The following FAM3C variants were observed in gnomAD, a reference collection of about 807,000 sequenced individuals.
FAM3C encodes the protein FAM3 metabolism regulating signaling molecule C.
A neutral mutation model predicts 32.5 loss-of-function variants in FAM3C; 15 were observed. The ratio of observed to expected loss-of-function variants is 0.46; its 90% confidence interval spans 0.31 to 0.71. The LOEUF is 0.71. Ranked by LOEUF, FAM3C falls within the 30% of genes least tolerant of loss-of-function variation. FAM3C has a pLI of 0.05. For synonymous variants in FAM3C, 75 were observed against 86.1 expected (o/e 0.87, Z 0.72); for missense variants, 175 against 274.4 (o/e 0.64, Z 2.56).
chr7:121,379,862 G>T (rs549033035), intron 2 of FAM3C, among the ~76,000 whole-genome samples: 1 of 152,104 alleles, frequency 6.6e-6, no homozygotes, highest in Non-Finnish European at 1.5e-5. Context: ...TAAAAAATCC[G>T]AAAGAAACAC....
In FAM3C at chr7:121,383,025, CA is replaced by C; in HGVS notation, c.-41-16del. The C allele has an allele frequency of 7.0e-7, 1 of 1,427,660 alleles. No homozygotes were observed. The allele number at this position is 1,427,660 out of a possible 1,614,324, so 88.4% of individuals were successfully genotyped here. On this transcript the variant is annotated splice_polypyrimidine_tract_variant and intron_variant, in intron 1 of 9. Coordinates refer to ENST00000359943, the MANE Select transcript of FAM3C (RefSeq NM_014888.3). ...TTAATATGCTCCTAAAAAATCAAAACAAAAAGCAAATATCATTAGCTCTAGA... is the reference window on the plus strand; with the variant it reads ...TTAATATGCTCCTAAAAAATCAAAACAAAAGCAAATATCATTAGCTCTAGA...
chr7:121,351,055 C>T, intron 9 of FAM3C, 88 bp downstream of exon 9: 1 of 1,220,950 alleles, frequency 8.2e-7, no homozygotes. Flanking sequence ...TCCGCTTTAT[C>T]TAATTTTCAA....
intron 2 of FAM3C, among the ~76,000 whole-genome samples, chr7:121,379,288 T>C (rs980243849): frequency 6.6e-5 from 10 of 152,092 alleles, no homozygotes; most frequent in Non-Finnish European, 1.0e-4. Context: ...ACCTATTAGT[T>C]GCTGACAACA....
intron 1 of FAM3C, among the ~76,000 whole-genome samples, chr7:121,393,904 G>A (rs1234104245): frequency 1.3e-5 from 2 of 152,180 alleles, no homozygotes; most frequent in African/African-American, 2.4e-5. Flanking sequence ...GAACAGAGAC[G>A]CTTCTGGACT....
chr7:121,357,124 A>G (rs1178078427), intron 8 of FAM3C, among the ~76,000 whole-genome samples: 1 of 152,184 alleles, frequency 6.6e-6, no homozygotes, highest in Non-Finnish European at 1.5e-5. Context: ...ACTCTGGGAA[A>G]TAATGTGATG....
intron 8 of FAM3C, among the ~76,000 whole-genome samples, chr7:121,353,954 A>G (rs1793759590): frequency 6.6e-6 from 1 of 152,206 alleles, no homozygotes; most frequent in Non-Finnish European, 1.5e-5. Context: ...CGTCTAACAC[A>G]TAGCCCTGTG....
At chr7:121,379,528 T>C (rs1252634061) in intron 2 of FAM3C, among the ~76,000 whole-genome samples, 1 of 152,182 alleles carries the variant, frequency 6.6e-6, no homozygotes, top group Non-Finnish European at 1.5e-5. Context: ...TAAGCCCTCC[T>C]GGTGTGGCGA....
chr7:121,387,314 T>C (rs1037801977), intron 1 of FAM3C, among the ~76,000 whole-genome samples: 8 of 152,088 alleles, frequency 5.3e-5, no homozygotes, highest in African/African-American at 1.9e-4. Context: ...ATATAAAATT[T>C]AAAAATAAAG....
intron 2 of FAM3C, among the ~76,000 whole-genome samples, chr7:121,379,757 T>C (rs997583469): frequency 6.6e-6 from 1 of 152,162 alleles, no homozygotes; most frequent in Admixed American, 6.5e-5. Context: ...TACTGATAAC[T>C]ACATGGGGAG....
At chr7:121,363,833 A>G (rs922159832) in intron 6 of FAM3C, among the ~76,000 whole-genome samples, 2 of 152,056 alleles carry the variant, frequency 1.3e-5, no homozygotes, top group Non-Finnish European at 2.9e-5. Context: ...CTATCTTCCT[A>G]TTATGTTAGG....
At chr7:121,372,781 A>G (rs867746549) in intron 3 of FAM3C, among the ~76,000 whole-genome samples, 2 of 152,184 alleles carry the variant, frequency 1.3e-5, no homozygotes, top group African/African-American at 4.8e-5. Context: ...AGATCATCAG[A>G]GTATTGTGGA....
intron 3 of FAM3C, among the ~76,000 whole-genome samples, chr7:121,378,627 G>A (rs1794287605): frequency 6.6e-6 from 1 of 152,152 alleles, no homozygotes; most frequent in African/African-American, 2.4e-5. Context: ...GGTATTTTAT[G>A]TTTTAGAATG....
At chr7:121,396,323 C>T (rs1308965767), upstream of FAM3C, 2 of 152,186 alleles carry the variant, frequency 1.3e-5, no homozygotes, top group African/African-American at 4.8e-5. Context: ...AGGAGAAAGC[C>T]AGCTCGCCGC....
At chr7:121,359,895 G>A in intron 8 of FAM3C, 148 bp downstream of exon 8, 1 of 597,456 alleles carries the variant, frequency 1.7e-6, no homozygotes, top group Non-Finnish European at 3.0e-6. Flanking sequence ...AAACCAGGAA[G>A]GAGGCAAAGT....
chr7:121,395,314 CATACATAT>C (rs1276254052), intron 1 of FAM3C, among the ~76,000 whole-genome samples: 22 of 142,714 alleles, frequency 1.5e-4, no homozygotes, highest in African/African-American at 3.0e-4. Flanking sequence ...TGGATACATA[CATACATAT>C]ATATATATGG....
At position 121,383,008 on chromosome 7, in the gene FAM3C, C is replaced by A; in HGVS notation, c.-39G>T. On this transcript the variant is annotated splice_region_variant and 5_prime_UTR_variant, in exon 2 of 10. Coordinates refer to ENST00000359943, the MANE Select transcript of FAM3C (RefSeq NM_014888.3). ...GTTTATGGCACTTTTCATTAATATG[C>A]TCCTAAAAAATCAAAACAAAAAGCA... The A allele has an allele frequency of 6.4e-7, 1 of 1,566,534 alleles. No individual in the cohort carries two copies. The highest frequency in any genetic ancestry group is 8.7e-7 in the Non-Finnish European group (1 of 1,143,062).
rs186779818 is a variant in FAM3C at position 121,358,058 on chromosome 7, C to T, written c.467+1985G>A. 2.0e-5 allele frequency among the ~76,000 whole-genome samples: 3 copies of T among 152,228 alleles called. No homozygotes were observed. In the East Asian group the frequency reaches 5.8e-4, roughly 29 times the overall value. On this transcript the variant is annotated intron_variant, in intron 8 of 9. Transcript: ENST00000359943. ...AAGTTACCTGTTTTTTGATGAGAGC[C>T]TAATTACATCCTGTTTCATTCTATT... is the stretch of plus-strand genomic sequence containing the variant.
At chr7:121,351,516 A>G (rs1793705532) in intron 8 of FAM3C, 2 of 395,180 alleles carry the variant, frequency 5.1e-6, no homozygotes, top group Non-Finnish European at 4.5e-6. Context: ...TTATTTCACA[A>G]CAATTCACCT....
intron 3 of FAM3C, among the ~76,000 whole-genome samples, chr7:121,372,390 T>G (rs999339297): frequency 1.3e-5 from 2 of 152,204 alleles, no homozygotes; most frequent in Non-Finnish European, 2.9e-5. Flanking sequence ...CATTTTGTTT[T>G]GAATTTTAGT....
Sources: allele counts gnomAD v4.1 joint callset (sites outside exome capture counted in the v4.1 genomes callset), GRCh38; gene constraint gnomAD v4.1.1; transcripts MANE v1.5; gene names NCBI Gene and HGNC (gene_info 2026-07-23, HGNC 2026-07-21).